Variants in CIRSR observed in about 807,000 individuals in gnomAD.
The protein encoded by CIRSR is CBF1 (RBPJ) interacting corepressor 1.
the CIRSR span, among the ~76,000 whole-genome samples, chr2:174,375,777 C>T: frequency 6.6e-6 from 1 of 152,154 alleles, no homozygotes; most frequent in African/African-American, 2.4e-5. Context: ...GTTTAATGGT[C>T]ATCTGAATTC....
the CIRSR span, among the ~76,000 whole-genome samples, chr2:174,373,328 G>A: frequency 5.3e-5 from 8 of 152,066 alleles, no homozygotes; most frequent in South Asian, 8.3e-4. Flanking sequence ...TAATTCAGTC[G>A]GCTAGTTATT....
At chr2:174,356,723 GGCTGAAACTAAATT>G in the CIRSR span, among the ~76,000 whole-genome samples, 2 of 152,090 alleles carry the variant, frequency 1.3e-5, no homozygotes, top group Non-Finnish European at 2.9e-5. Flanking sequence ...TGCCACTGTT[GGCTGAAACTAAATT>G]GCTACCCTAA....
the CIRSR span, among the ~76,000 whole-genome samples, chr2:174,375,364 G>A: frequency 6.6e-6 from 1 of 152,276 alleles, no homozygotes; most frequent in South Asian, 2.1e-4. Flanking sequence ...TCCCAGCACT[G>A]TGGGAGGCTG....
chr2:174,364,340 G>C, the CIRSR span, among the ~76,000 whole-genome samples: 1 of 152,192 alleles, frequency 6.6e-6, no homozygotes, highest in Non-Finnish European at 1.5e-5. Flanking sequence ...CCTCCCTCCT[G>C]GCTGCTTTCA....
At chr2:174,372,871 C>T in the CIRSR span, among the ~76,000 whole-genome samples, 2 of 152,102 alleles carry the variant, frequency 1.3e-5, no homozygotes, top group Non-Finnish European at 2.9e-5. Context: ...TGTGAGCCAC[C>T]GAGCCTGGCC....
At chr2:174,380,914 T>C in the CIRSR span, 8 of 928,748 alleles carry the variant, frequency 8.6e-6, no homozygotes, top group Non-Finnish European at 1.3e-5. Flanking sequence ...TGTTATTTAA[T>C]TGTCACTTGT....
the CIRSR span, among the ~76,000 whole-genome samples, chr2:174,370,536 T>C: frequency 6.6e-6 from 1 of 152,256 alleles, no homozygotes; most frequent in African/African-American, 2.4e-5. Flanking sequence ...TATACACAAA[T>C]TCTTATCCCC....
chr2:174,348,659 A>G, the CIRSR span: 2 of 1,614,082 alleles, frequency 1.2e-6, no homozygotes, highest in African/African-American at 2.7e-5. Context: ...TTTGCTTGTA[A>G]CTACCAGGAC....
chr2:174,378,807 C>T, the CIRSR span: 1 of 792,870 alleles, frequency 1.3e-6, no homozygotes, highest in African/African-American at 1.7e-5. Context: ...CAAAAACAAA[C>T]AAACAAGCCC....
At chr2:174,356,073 A>C in the CIRSR span, among the ~76,000 whole-genome samples, 1 of 151,636 alleles carries the variant, frequency 6.6e-6, no homozygotes, top group Non-Finnish European at 1.5e-5. Context: ...CACCTGGCCC[A>C]TCATTCTTTT....
chr2:174,357,820 A>G, the CIRSR span, among the ~76,000 whole-genome samples: 9,192 of 152,302 alleles, frequency 0.06, 872 homozygotes, highest in African/African-American at 0.2. Flanking sequence ...AACATGCAGC[A>G]TAACACCCAG....
At chr2:174,355,086 G>T in the CIRSR span, among the ~76,000 whole-genome samples, 5 of 151,956 alleles carry the variant, frequency 3.3e-5, no homozygotes, top group African/African-American at 7.3e-5. Flanking sequence ...GTTTAATCAA[G>T]ATATATTTAG....
chr2:174,354,431 GAT>G, the CIRSR span, among the ~76,000 whole-genome samples: 3 of 94,086 alleles, frequency 3.2e-5, no homozygotes, highest in African/African-American at 8.9e-5. Context: ...TATATTATAT[GAT>G]ATATATAATA....
chr2:174,361,158 C>A, the CIRSR span, among the ~76,000 whole-genome samples: 1 of 152,152 alleles, frequency 6.6e-6, no homozygotes, highest in East Asian at 1.9e-4. Flanking sequence ...GAGGTCAGTT[C>A]TTTATTTACT....
the CIRSR span, among the ~76,000 whole-genome samples, chr2:174,372,160 G>A: frequency 1.3e-5 from 2 of 152,046 alleles, no homozygotes; most frequent in Non-Finnish European, 2.9e-5. Flanking sequence ...AAACTTTAAA[G>A]GCATTAATTG....
the CIRSR span, chr2:174,349,217 T>TG: frequency 2.0e-6 from 2 of 994,410 alleles, no homozygotes; most frequent in Non-Finnish European, 2.8e-6. Flanking sequence ...GAAAAACAGT[T>TG]ATTTCATCAA....
At chr2:174,370,490 A>C in the CIRSR span, among the ~76,000 whole-genome samples, 72 of 152,368 alleles carry the variant, frequency 4.7e-4, no homozygotes, top group African/African-American at 1.7e-3. Flanking sequence ...ATTTATTTTG[A>C]CAATCTTACT....
the CIRSR span, among the ~76,000 whole-genome samples, chr2:174,366,557 T>C: frequency 4.7e-4 from 72 of 152,266 alleles, 2 homozygotes; most frequent in Middle Eastern, 6.8e-3. Context: ...AGAAGCTCCT[T>C]AGTGAGAAGG....
At chr2:174,360,648 T>C in the CIRSR span, among the ~76,000 whole-genome samples, 1 of 152,222 alleles carries the variant, frequency 6.6e-6, no homozygotes, top group African/African-American at 2.4e-5. Flanking sequence ...TGGAGAATCA[T>C]AATGCCCCTT....
Sources: allele counts gnomAD v4.1 joint callset (sites outside exome capture counted in the v4.1 genomes callset), GRCh38; gene constraint gnomAD v4.1.1; transcripts MANE v1.5; gene names NCBI Gene and HGNC (gene_info 2026-07-23, HGNC 2026-07-21).